Variants in OXR1 observed in about 807,000 individuals in gnomAD.
OXR1 encodes the protein oxidation resistance 1.
Under a neutral mutation model 104.6 loss-of-function variants are expected in OXR1, and 41 were observed. The observed-to-expected ratio is 0.39, with a 90% CI of 0.31 to 0.51. The LOEUF is 0.51. Ranked by LOEUF, OXR1 falls within the 20% of genes least tolerant of loss-of-function variation. The pLI, the probability that OXR1 is intolerant of heterozygous loss-of-function variation, is 0.77. For synonymous variants in OXR1, 348 were observed against 348.4 expected (o/e 1.00, Z 0.01); for missense variants, 955 against 1,031.9 (o/e 0.93, Z 1.02).
intron 2 of OXR1, among the ~76,000 whole-genome samples, chr8:106,465,926 T>G (rs940385356): frequency 6.6e-6 from 1 of 151,958 alleles, no homozygotes; most frequent in Non-Finnish European, 1.5e-5. Context: ...ATTCAACCAC[T>G]TACTGTAAGT....
chr8:106,532,516 C>G (rs1385148409), intron 3 of OXR1, among the ~76,000 whole-genome samples: 3 of 152,204 alleles, frequency 2.0e-5, no homozygotes. Context: ...TTAAATGATC[C>G]TGGCACACAG....
intron 2 of OXR1, among the ~76,000 whole-genome samples, chr8:106,462,831 T>C (rs1489784514): frequency 6.6e-6 from 1 of 152,080 alleles, no homozygotes; most frequent in Non-Finnish European, 1.5e-5. Context: ...CAACCCACCA[T>C]ATCTTGAGGA....
At chr8:106,397,537 T>G (rs2130463125) in intron 2 of OXR1, among the ~76,000 whole-genome samples, 1 of 152,232 alleles carries the variant, frequency 6.6e-6, no homozygotes, top group East Asian at 1.9e-4. Flanking sequence ...GTGGGATTTT[T>G]TAAGAGTTCA....
intron 6 of OXR1, among the ~76,000 whole-genome samples, chr8:106,684,729 T>A (rs1438490473): frequency 6.6e-6 from 1 of 152,198 alleles, no homozygotes; most frequent in Non-Finnish European, 1.5e-5. Context: ...TATATAGTAC[T>A]TAGAACTCTT....
chr8:106,547,554 C>T (rs896676611), intron 3 of OXR1, among the ~76,000 whole-genome samples: 4 of 141,468 alleles, frequency 2.8e-5, no homozygotes, highest in Non-Finnish European at 3.0e-5. Context: ...AATGCAATGG[C>T]GCAATCTCAG....
intron 11 of OXR1, chr8:106,726,418 A>C: frequency 3.3e-6 from 2 of 608,560 alleles, no homozygotes; most frequent in South Asian, 5.2e-5. Flanking sequence ...ATATTTATAG[A>C]ATACAAAATT....
intron 2 of OXR1, among the ~76,000 whole-genome samples, chr8:106,406,352 C>CATAT (rs200894645): frequency 6.6e-6 from 1 of 151,536 alleles, no homozygotes; most frequent in Non-Finnish European, 1.5e-5. Context: ...TTTACTTATT[C>CATAT]ATATATATAT....
At chr8:106,326,970 A>G (rs1814496432) in intron 1 of OXR1, among the ~76,000 whole-genome samples, 1 of 152,208 alleles carries the variant, frequency 6.6e-6, no homozygotes, top group Non-Finnish European at 1.5e-5. Context: ...TTATGAGAGA[A>G]ATCATTACAT....
At chr8:106,636,447 A>T (rs1006406219) in intron 3 of OXR1, among the ~76,000 whole-genome samples, 1 of 152,112 alleles carries the variant, frequency 6.6e-6, no homozygotes, top group East Asian at 1.9e-4. Context: ...GCTCCTTCCT[A>T]TAGAAACCCG....
chr8:106,470,382 G>A (rs573206151), intron 2 of OXR1, among the ~76,000 whole-genome samples: 1 of 151,684 alleles, frequency 6.6e-6, no homozygotes, highest in South Asian at 2.1e-4. Flanking sequence ...TGGCAGATTG[G>A]AGGTGAGTGT....
chr8:106,484,542 A>G (rs1377724855), intron 2 of OXR1, among the ~76,000 whole-genome samples: 2 of 152,116 alleles, frequency 1.3e-5, no homozygotes, highest in Non-Finnish European at 2.9e-5. Flanking sequence ...TAAAATATAC[A>G]GATGGCAAAT....
At chr8:106,568,397 G>A (rs1817231754) in intron 3 of OXR1, among the ~76,000 whole-genome samples, 1 of 152,040 alleles carries the variant, frequency 6.6e-6, no homozygotes, top group Non-Finnish European at 1.5e-5. Flanking sequence ...TCTCAAATCT[G>A]CCTTTTCTAT....
chr8:106,593,742 C>T lies in OXR1; in HGVS notation c.220+74603C>T, dbSNP rs548987375. ...AGTGTGCAGAAATCGCGCCACGGCA[C>T]TCCAGCCTGGGCGACAGAGCGAGAC... On this transcript the variant is annotated intron_variant, in intron 3 of 16. Transcript: ENST00000517566. Among the ~76,000 whole-genome samples, 4 of 152,324 alleles carry T rather than the reference C, an allele frequency of 2.6e-5. No homozygotes were observed. The East Asian group carries it at 7.7e-4, about 29-fold the overall frequency.
At chr8:106,409,297 T>G (rs1431311246) in intron 2 of OXR1, among the ~76,000 whole-genome samples, 1 of 152,074 alleles carries the variant, frequency 6.6e-6, no homozygotes, top group Non-Finnish European at 1.5e-5. Flanking sequence ...GGAGGCGAAC[T>G]TGGCCTGTCA....
At chr8:106,660,887 C>T (rs1257440480) in intron 3 of OXR1, among the ~76,000 whole-genome samples, 3 of 152,106 alleles carry the variant, frequency 2.0e-5, no homozygotes, top group African/African-American at 7.2e-5. Context: ...GTGGTGCGTG[C>T]CTGTAATCCC....
At chr8:106,736,312 C>G (rs761419330) in intron 11 of OXR1, among the ~76,000 whole-genome samples, 2 of 152,156 alleles carry the variant, frequency 1.3e-5, no homozygotes, top group Non-Finnish European at 2.9e-5. Context: ...AGCCTCTTTT[C>G]CTTTTTTCTA....
At chr8:106,369,090 C>A (rs961043236) in intron 2 of OXR1, among the ~76,000 whole-genome samples, 2 of 152,152 alleles carry the variant, frequency 1.3e-5, no homozygotes, top group African/African-American at 4.8e-5. Flanking sequence ...TAATAATCAC[C>A]ATTCTGACTG....
chr8:106,507,841 CT>C (rs1344025749), intron 2 of OXR1, among the ~76,000 whole-genome samples: 2 of 152,206 alleles, frequency 1.3e-5, no homozygotes, highest in African/African-American at 4.8e-5. Context: ...TAGAAATGTT[CT>C]TCCTTTCTGA....
intron 9 of OXR1, 141 bp from the exon 10 acceptor site, chr8:106,710,481 A>G: frequency 2.3e-6 from 1 of 436,310 alleles, no homozygotes; most frequent in Non-Finnish European, 3.9e-6. Flanking sequence ...AAAAATATAA[A>G]TTAAGAAAAT....
Sources: gnomAD v4.1 joint callset for allele counts (sites outside exome capture counted in the v4.1 genomes callset) on GRCh38, gnomAD v4.1.1 for gene constraint, MANE v1.5 for transcripts, NCBI Gene and HGNC (gene_info 2026-07-23, HGNC 2026-07-21) for gene names.